KIAA0825: variants seen among roughly 807,000 people sequenced by gnomAD.
KIAA0825 encodes KIAA0825.
KIAA0825 carries 119 observed loss-of-function variants against 147.6 expected under a neutral mutation model. The observed-to-expected ratio is 0.81, with a 90% CI of 0.69 to 0.94. The LOEUF (loss-of-function observed/expected upper bound fraction) is 0.94, where lower values mean the gene tolerates loss of function less well. Among genes scored for constraint, KIAA0825 ranks in the 40% least tolerant of loss-of-function variants. The pLI is 0.00. For synonymous variants in KIAA0825, 470 were observed against 518.1 expected (o/e 0.91, Z 1.26); for missense variants, 1,381 against 1,472.7 (o/e 0.94, Z 1.02).
Position 94,537,016 on chromosome 5 carries a change from C to A in KIAA0825, c.111G>T (p.Lys37Asn). The A allele has an allele frequency of 6.2e-7, 1 of 1,604,972 alleles. No homozygotes were observed. The highest frequency in any genetic ancestry group is 8.5e-7 in the Non-Finnish European group (1 of 1,174,588). ...TTTACCTTGCAGCATTTTGTTCAAT[C>A]TTTTCATCAATGTCACTGAAGATCT... ...FEQIFSDIDE[K>N]IEQNAASIKH... The change falls in exon 3 of 21, where the codon AAG becomes AAT. Residue 37 changes from lysine (K) to asparagine (N), a missense_variant. By Grantham distance (94) the Lys-to-Asn change is moderately conservative. Transcript: ENST00000682413.
chr5:94,507,280 A>G (rs932978009), intron 5 of KIAA0825, among the ~76,000 whole-genome samples: 3 of 152,118 alleles, frequency 2.0e-5, no homozygotes, highest in African/African-American at 7.2e-5. Context: ...AAATCCCATC[A>G]CTGCTAAAAT....
At chr5:94,287,945 C>T (rs537891958) in intron 20 of KIAA0825, among the ~76,000 whole-genome samples, 1 of 152,024 alleles carries the variant, frequency 6.6e-6, no homozygotes, top group Non-Finnish European at 1.5e-5. Flanking sequence ...CAGCATTGGG[C>T]CTCTTGAGGA....
intron 20 of KIAA0825, among the ~76,000 whole-genome samples, chr5:94,277,700 A>G (rs9686315): frequency 0.21 from 32,569 of 151,842 alleles, 3,829 homozygotes; most frequent in Non-Finnish European, 0.26. Context: ...GTGGAAGACA[A>G]TGTGGCGATT....
At position 94,370,770 on chromosome 5, in the gene KIAA0825, G is replaced by A. The variant is rs1031353515; in HGVS notation, c.3710+13598C>T. Among the ~76,000 whole-genome samples the A allele has an allele frequency of 5.9e-5, 9 of 151,964 alleles. No individual in the cohort carries two copies. The South Asian group carries it at 8.3e-4, about 14-fold the overall frequency. ...AAAAATACAAAAAAAGTAGCTGGGC[G>A]TGGTGGTGGGAGCCTGTAGTCCCAG... On this transcript the variant is annotated intron_variant, in intron 20 of 20. Transcript: ENST00000682413.
intron 10 of KIAA0825, among the ~76,000 whole-genome samples, chr5:94,467,090 CTT>C (rs569822188): frequency 6.6e-6 from 1 of 152,138 alleles, no homozygotes; most frequent in Non-Finnish European, 1.5e-5. Context: ...ATAAAAGTAA[CTT>C]TGGGCACACA....
At chr5:94,431,661 A>G (rs1253159182) in intron 14 of KIAA0825, among the ~76,000 whole-genome samples, 2 of 152,226 alleles carry the variant, frequency 1.3e-5, no homozygotes, top group African/African-American at 2.4e-5. Context: ...GTCTAGGCAT[A>G]AAAAAATAAA....
At chr5:94,529,215 ATATG>A (rs1165294245) in intron 3 of KIAA0825, among the ~76,000 whole-genome samples, 36 of 129,204 alleles carry the variant, frequency 2.8e-4, no homozygotes, top group African/African-American at 1.1e-3. Flanking sequence ...TATATCATAT[ATATG>A]TATGTATCAT....
intron 20 of KIAA0825, among the ~76,000 whole-genome samples, chr5:94,352,601 G>T (rs768570398): frequency 6.6e-6 from 1 of 152,106 alleles, no homozygotes; most frequent in East Asian, 1.9e-4. Flanking sequence ...GTCATTATTC[G>T]AAAAAGACAC....
At chr5:94,230,147 T>C (rs1228387780) in intron 20 of KIAA0825, among the ~76,000 whole-genome samples, 1 of 152,184 alleles carries the variant, frequency 6.6e-6, no homozygotes, top group African/African-American at 2.4e-5. Context: ...TTTTAGTATT[T>C]GAGGCTCTTG....
At chr5:94,458,151 C>T (rs1042614091) in intron 12 of KIAA0825, among the ~76,000 whole-genome samples, 1 of 152,142 alleles carries the variant, frequency 6.6e-6, no homozygotes, top group African/African-American at 2.4e-5. Flanking sequence ...TAAGTAGCTA[C>T]TTCACTTTCA....
intron 20 of KIAA0825, among the ~76,000 whole-genome samples, chr5:94,333,672 C>G (rs913238461): frequency 1.3e-5 from 2 of 152,100 alleles, no homozygotes; most frequent in African/African-American, 2.4e-5. Context: ...ATGCCTCTAG[C>G]TTTGTTCTTT....
rs138098723 is a variant in KIAA0825, at chr5:94,594,610, C to G, written c.-152-12027G>C. 9.3e-4 allele frequency: 624 copies of G among 672,514 alleles called. 8 individuals carry two copies. The East Asian group carries it at 0.017, about 18-fold the overall frequency. The allele number at this position is 672,514 out of a possible 1,614,324, so 41.7% of individuals were successfully genotyped here. The stretch of plus-strand genomic sequence containing the variant: ...GCTTTGGAATTTTTGGATTCAAAAG[C>G]ATTTTGTAGAAATATCCTTCACATA... On this transcript the variant is annotated intron_variant, in intron 1 of 20. Transcript: ENST00000682413.
At chr5:94,294,268 G>A (rs1047489749) in intron 20 of KIAA0825, among the ~76,000 whole-genome samples, 1 of 152,152 alleles carries the variant, frequency 6.6e-6, no homozygotes, top group Non-Finnish European at 1.5e-5. Flanking sequence ...GGCTGATACT[G>A]GTTTTTCCTT....
intron 20 of KIAA0825, among the ~76,000 whole-genome samples, chr5:94,285,775 C>T (rs934860274): frequency 1.3e-5 from 2 of 152,102 alleles, no homozygotes; most frequent in Admixed American, 1.3e-4. Context: ...CTGATGGTAT[C>T]ACTTTTGATC....
chr5:94,498,681 T>C (rs1764667317), intron 5 of KIAA0825, among the ~76,000 whole-genome samples: 1 of 152,242 alleles, frequency 6.6e-6, no homozygotes, highest in Non-Finnish European at 1.5e-5. Context: ...GAGTCCTGGC[T>C]AATGGCTTCA....
chr5:94,505,028 G>A (rs1426291061), intron 5 of KIAA0825, among the ~76,000 whole-genome samples: 1 of 151,724 alleles, frequency 6.6e-6, no homozygotes, highest in African/African-American at 2.4e-5. Context: ...TTACAGGCAT[G>A]AGCCACCGTG....
chr5:94,207,117 C>T (rs1172782390), intron 20 of KIAA0825, among the ~76,000 whole-genome samples: 1 of 152,020 alleles, frequency 6.6e-6, no homozygotes, highest in East Asian at 1.9e-4. Context: ...TTTAGTTATA[C>T]CTAGGGGCTC....
intron 20 of KIAA0825, among the ~76,000 whole-genome samples, chr5:94,234,494 C>A (rs1391364903): frequency 6.6e-6 from 1 of 152,048 alleles, no homozygotes; most frequent in Admixed American, 6.5e-5. Context: ...AAAAAAATTC[C>A]TCAGACTGGA....
chr5:94,523,746 T>A (rs1005625673), intron 4 of KIAA0825, among the ~76,000 whole-genome samples, 184 bp downstream of exon 4: 1 of 151,486 alleles, frequency 6.6e-6, no homozygotes, highest in Non-Finnish European at 1.5e-5. Flanking sequence ...ATAAAAATCA[T>A]AGTTAAAAAT....
Sources: gnomAD v4.1 joint callset for allele counts (sites outside exome capture counted in the v4.1 genomes callset) on GRCh38, gnomAD v4.1.1 for gene constraint, MANE v1.5 for transcripts, NCBI Gene and HGNC (gene_info 2026-07-23, HGNC 2026-07-21) for gene names.